Variants in WDFY4 observed in about 807,000 individuals in gnomAD.
WDFY4 encodes WD repeat- and FYVE domain-containing protein 4.
Under a neutral mutation model 351.9 loss-of-function variants are expected in WDFY4, and 169 were observed. The ratio of observed to expected loss-of-function variants is 0.48; its 90% CI spans 0.42 to 0.55. WDFY4 has a LOEUF of 0.55. Among genes scored for constraint, WDFY4 ranks in the 20% least tolerant of loss-of-function variants. The pLI is 0.00. For synonymous variants in WDFY4, 1,622 were observed against 1,574.6 expected, an observed-to-expected ratio of 1.03 and a Z score of -0.71; for missense variants, 3,803 against 3,935.6, an observed-to-expected ratio of 0.97 and a Z score of 0.90.
chr10:48,871,980 C>A (rs550264370), intron 40 of WDFY4, among the ~76,000 whole-genome samples: 2 of 152,148 alleles, frequency 1.3e-5, no homozygotes, highest in Non-Finnish European at 2.9e-5. Context: ...ATTCTAGAAG[C>A]CCGTGATTAT....
intron 43 of WDFY4, among the ~76,000 whole-genome samples, chr10:48,879,068 T>G (rs141920871): frequency 5.3e-5 from 8 of 152,344 alleles, no homozygotes; most frequent in African/African-American, 1.9e-4. Flanking sequence ...TTGGGATATA[T>G]CAATATATTA....
At chr10:48,911,440 A>G (rs2133475169) in intron 47 of WDFY4, among the ~76,000 whole-genome samples, 1 of 152,374 alleles carries the variant, frequency 6.6e-6, no homozygotes, top group East Asian at 1.9e-4. Context: ...CAAGGAAATA[A>G]TTAAAAATAT....
At chr10:48,830,943 C>G in intron 38 of WDFY4, 58 bp downstream of exon 38, 2 of 1,508,508 alleles carry the variant, frequency 1.3e-6, no homozygotes. Flanking sequence ...GAGCCAGACT[C>G]CCGCAAGGTT....
chr10:48,818,642 G>A (rs1252638775), intron 32 of WDFY4, among the ~76,000 whole-genome samples: 1 of 152,154 alleles, frequency 6.6e-6, no homozygotes, highest in Admixed American at 6.5e-5. Flanking sequence ...CCAAAGCCTT[G>A]TCCTTTTCAT....
chr10:48,867,088 T>G (rs1284867607), intron 39 of WDFY4, among the ~76,000 whole-genome samples, 177 bp from the exon 40 acceptor site: 1 of 151,832 alleles, frequency 6.6e-6, no homozygotes, highest in Admixed American at 6.6e-5. Flanking sequence ...GAGAATTGCT[T>G]GAACCTGTGA....
At chr10:48,844,957 A>T (rs2068727034) in intron 39 of WDFY4, among the ~76,000 whole-genome samples, 1 of 152,218 alleles carries the variant, frequency 6.6e-6, no homozygotes. Context: ...TGTAGGTTGG[A>T]AGGTCCAAGA....
At chr10:48,726,996 G>C (rs1283791807) in intron 6 of WDFY4, among the ~76,000 whole-genome samples, 2 of 152,128 alleles carry the variant, frequency 1.3e-5, no homozygotes, top group Non-Finnish European at 2.9e-5. Flanking sequence ...CTTCCTCTCT[G>C]TGGGCCACAC....
At chr10:48,783,469 T>C (rs142019076) in intron 19 of WDFY4, among the ~76,000 whole-genome samples, 10 of 151,754 alleles carry the variant, frequency 6.6e-5, no homozygotes, top group African/African-American at 2.4e-4. Flanking sequence ...TTTATATATG[T>C]ACAATTGTAT....
At chr10:48,869,893 G>GT (rs1033488041) in intron 40 of WDFY4, among the ~76,000 whole-genome samples, 1 of 152,002 alleles carries the variant, frequency 6.6e-6, no homozygotes, top group Admixed American at 6.5e-5. Flanking sequence ...TCACAGCTCT[G>GT]TCAGTTAAAA....
intron 19 of WDFY4, among the ~76,000 whole-genome samples, chr10:48,784,850 CTTTTTTT>C (rs1255134626): frequency 5.0e-5 from 4 of 80,664 alleles, no homozygotes; most frequent in Admixed American, 1.4e-4. Context: ...GCATCGTTTA[CTTTTTTT>C]TTTTTTTTTT....
chr10:48,864,853 A>AT (rs1311584012), intron 39 of WDFY4, among the ~76,000 whole-genome samples: 4 of 152,132 alleles, frequency 2.6e-5, no homozygotes, highest in South Asian at 2.1e-4. Flanking sequence ...TTCTTAATTT[A>AT]TTTTTTGGAT....
chr10:48,858,104 A>G (rs1437633804), intron 39 of WDFY4, among the ~76,000 whole-genome samples: 1 of 152,138 alleles, frequency 6.6e-6, no homozygotes, highest in African/African-American at 2.4e-5. Flanking sequence ...TACTTGTTGA[A>G]TTTTAAGAGT....
At chr10:48,798,918 C>A (rs1251511268) in intron 24 of WDFY4, among the ~76,000 whole-genome samples, 1 of 152,178 alleles carries the variant, frequency 6.6e-6, no homozygotes, top group Non-Finnish European at 1.5e-5. Context: ...GTGGAGGAAG[C>A]CAGCATGGCC....
intron 12 of WDFY4, among the ~76,000 whole-genome samples, chr10:48,744,636 C>T (rs1460711948): frequency 6.6e-6 from 1 of 152,172 alleles, no homozygotes; most frequent in Non-Finnish European, 1.5e-5. Flanking sequence ...TTCTATGCTA[C>T]TGAAGAGTTT....
chr10:48,903,272 T>G (rs1837451847), intron 47 of WDFY4, among the ~76,000 whole-genome samples: 1 of 152,180 alleles, frequency 6.6e-6, no homozygotes, highest in African/African-American at 2.4e-5. Context: ...AAGATTCTCA[T>G]GTCGGTTTTT....
intron 1 of WDFY4, among the ~76,000 whole-genome samples, chr10:48,698,582 C>G (rs955929300): frequency 6.6e-6 from 1 of 152,166 alleles, no homozygotes; most frequent in African/African-American, 2.4e-5. Context: ...TCAGTCTTTG[C>G]TCAATTTATT....
intron 39 of WDFY4, among the ~76,000 whole-genome samples, chr10:48,861,522 T>G (rs1190411319): frequency 6.6e-6 from 1 of 152,222 alleles, no homozygotes; most frequent in East Asian, 1.9e-4. Flanking sequence ...CTGTGCCACT[T>G]CCTTTTGGAC....
At chr10:48,721,720 G>T (rs909909718) in intron 4 of WDFY4, among the ~76,000 whole-genome samples, 2 of 152,110 alleles carry the variant, frequency 1.3e-5, no homozygotes, top group Non-Finnish European at 2.9e-5. Context: ...GGCAAGGCTG[G>T]GTGTGTCCCA....
rs1298200966 is a variant in WDFY4 at position 48,735,943 on chromosome 10, G to A, written c.1751G>A (p.Arg584Gln). Residue 584 changes from arginine (R) to glutamine (Q), a missense_variant, in exon 11 of 62, where the codon CGG becomes CAG. By Grantham distance (43) the Arg-to-Gln change is conservative. This residue lies in a region of WDFY4 where 261 missense variants were observed against 330.2 expected (regional missense o/e 0.79). Coordinates refer to ENST00000325239, the MANE Select transcript of WDFY4 (RefSeq NM_001394531.1). The part of the protein sequence containing the change: ...IKIFLDDECY[R>Q]EASLSILEQL... ...ATCTTCCTGGATGACGAGTGCTACC[G>A]GGAGGCCTCGCTCAGCATCTTGGAG... is the stretch of plus-strand genomic sequence containing the variant. 1.3e-5 allele frequency: 20 copies of A among 1,551,608 alleles called. No homozygotes were observed. The highest frequency in any genetic ancestry group is 1.6e-5 in the Non-Finnish European group (18 of 1,147,020).
Sources: allele counts gnomAD v4.1 joint callset (sites outside exome capture counted in the v4.1 genomes callset), GRCh38; gene constraint gnomAD v4.1.1; regional missense constraint gnomAD v4.1.1; transcripts MANE v1.5; gene names NCBI Gene and HGNC (gene_info 2026-07-23, HGNC 2026-07-21).